The following ZNF831 variants were observed in gnomAD, a reference collection of about 807,000 sequenced individuals.
ZNF831 encodes the protein chromosome 20 open reading frame 174.
A neutral mutation model predicts 95.8 loss-of-function variants in ZNF831; 59 were observed. The ratio of observed to expected loss-of-function variants is 0.62; its 90% confidence interval spans 0.50 to 0.77. ZNF831 has a LOEUF of 0.77. ZNF831 is among the 30% of genes least tolerant of loss of function. ZNF831 has a pLI of 0.00. For synonymous variants in ZNF831, 961 were observed against 925.5 expected, an observed-to-expected ratio of 1.04 and a Z score of -0.70; for missense variants, 2,205 against 2,164.0, an observed-to-expected ratio of 1.02 and a Z score of -0.38.
intron 2 of ZNF831, among the ~76,000 whole-genome samples, chr20:59,153,302 G>A (rs757429828): frequency 6.6e-6 from 1 of 152,246 alleles, no homozygotes; most frequent in Non-Finnish European, 1.5e-5. Flanking sequence ...GGAGAGAACA[G>A]GAAGGAGTCA....
intron 4 of ZNF831, among the ~76,000 whole-genome samples, chr20:59,248,331 T>C (rs1487684363): frequency 6.6e-6 from 1 of 152,250 alleles, no homozygotes; most frequent in Non-Finnish European, 1.5e-5. Context: ...ACTACTTCCT[T>C]TTTGAAAAGG....
chr20:59,193,530 G>T lies in ZNF831; in HGVS notation c.2511G>T (p.Glu837Asp). 6.2e-7 allele frequency: 1 copy of T among 1,606,800 alleles called. No homozygotes were observed. The highest frequency in any genetic ancestry group is 8.5e-7 in the Non-Finnish European group (1 of 1,176,826). Reference protein sequence around the residue: ...VEDLHSWKQPEPVSAETPGGP... With the variant: ...VEDLHSWKQPDPVSAETPGGP... Reference sequence around the variant, plus strand: ...ACCTGCACAGCTGGAAGCAACCAGAGCCTGTGAGCGCAGAGACCCCAGGTG... The same window carrying T: ...ACCTGCACAGCTGGAAGCAACCAGATCCTGTGAGCGCAGAGACCCCAGGTG... Residue 837 changes from glutamate to aspartate, a missense_variant, in exon 2 of 6, where the codon GAG (glutamate) becomes GAT (aspartate). Glu to Asp is a conservative substitution (Grantham distance 45). Coordinates refer to ENST00000371030, the MANE Select transcript of ZNF831 (RefSeq NM_178457.3).
intron 1 of ZNF831, among the ~76,000 whole-genome samples, chr20:59,132,688 T>C (rs1161781588): frequency 6.6e-6 from 1 of 152,234 alleles, no homozygotes; most frequent in South Asian, 2.1e-4. Flanking sequence ...TTTTTCATAC[T>C]TTTTTGTAAT....
rs1156654452 is a variant in ZNF831 at position 59,192,056 on chromosome 20, AC to A, written c.1039del (p.Leu347CysfsTer187). 6.2e-7 allele frequency: 1 copy of A among 1,607,624 alleles called. No individual in the cohort carries two copies. Among genetic ancestry groups the A allele is most frequent in the Non-Finnish European group, 8.5e-7 (1 of 1,179,060 alleles). On this transcript the variant is annotated frameshift_variant, in exon 2 of 6. Transcript: ENST00000371030. LOFTEE classifies it high-confidence loss of function. The surrounding 1 kb of genome is among the most constrained non-coding windows in gnomAD (Gnocchi z 5.2). ...LRKCESTDSG[Y>X]LSRSDSAEQP... The stretch of plus-strand genomic sequence containing the variant: ...AAGTGTGAGAGCACCGACTCGGGGT[AC>A]CTGTCGCGCTCCGACAGCGCGGAGC...
At chr20:59,232,392 G>C (rs528377975) in intron 4 of ZNF831, among the ~76,000 whole-genome samples, 52 of 151,874 alleles carry the variant, frequency 3.4e-4, no homozygotes, top group African/African-American at 1.2e-3. Context: ...TATTGATCTC[G>C]CTCATGGGGG....
In ZNF831 at chr20:59,255,564, T is replaced by G. The variant is rs1350463745; in HGVS notation, c.*821T>G. 2 of 152,206 alleles carry G rather than the reference T, an allele frequency of 1.3e-5. No individual in the cohort carries two copies. Among genetic ancestry groups the G allele is most frequent in the Non-Finnish European group, 2.9e-5 (2 of 68,034 alleles). The allele number at this position is 152,206 out of a possible 1,614,324, so 9.4% of individuals were successfully genotyped here. The stretch of plus-strand genomic sequence containing the variant: ...AGAACTGTCTCTCTGTAATGAGTCA[T>G]TTTTTGAGAGGGAAAAATTCACTTA... On this transcript the variant is annotated 3_prime_UTR_variant, in exon 6 of 6. Coordinates refer to ENST00000371030, the MANE Select transcript of ZNF831 (RefSeq NM_178457.3).
rs1382247342 is a variant in ZNF831 at position 59,218,006 on chromosome 20, T to C, written c.4027+10950T>C. 3.3e-5 allele frequency among the ~76,000 whole-genome samples: 5 copies of C among 152,144 alleles called. No homozygotes were observed. In the South Asian group the frequency reaches 6.2e-4, roughly 19 times the overall value. On this transcript the variant is annotated intron_variant, in intron 4 of 5. Coordinates refer to ENST00000371030, the MANE Select transcript of ZNF831 (RefSeq NM_178457.3). ...GTTAGCAATTTGCAAAAGAGATGAG[T>C]TGATCTGCAGGCTGCCAAGCCCCAG... is the stretch of plus-strand genomic sequence containing the variant.
At chr20:59,176,593 C>T (rs1694792106) in intron 1 of ZNF831, among the ~76,000 whole-genome samples, 1 of 152,142 alleles carries the variant, frequency 6.6e-6, no homozygotes, top group African/African-American at 2.4e-5. Context: ...CTGAGTAACC[C>T]CCCTAGACCC....
At position 59,194,376 on chromosome 20, in the gene ZNF831, G is replaced by T. The variant is rs1983903375; in HGVS notation, c.3357G>T (p.Leu1119=). ...NAPEDPSSGP[L]VGPDPCSPLQ... is the part of the protein sequence containing the mutation. Reference sequence around the variant, plus strand: ...CAGAAGATCCTTCTTCAGGGCCCCTGGTGGGCCCCGACCCGTGTTCCCCCC... The same window carrying T: ...CAGAAGATCCTTCTTCAGGGCCCCTTGTGGGCCCCGACCCGTGTTCCCCCC... The change falls in exon 2 of 6, where the codon CTG becomes CTT. Residue 1119 remains leucine, a synonymous_variant. Coordinates refer to ENST00000371030, the MANE Select transcript of ZNF831 (RefSeq NM_178457.3). 6.2e-7 allele frequency: 1 copy of T among 1,611,068 alleles called. No homozygotes were observed. Among genetic ancestry groups the T allele is most frequent in the Non-Finnish European group, 8.5e-7 (1 of 1,178,724 alleles).
intron 1 of ZNF831, among the ~76,000 whole-genome samples, chr20:59,131,187 G>A (rs937645363): frequency 3.3e-5 from 5 of 152,126 alleles, no homozygotes; most frequent in South Asian, 2.1e-4. Context: ...TGGAAAAGGC[G>A]TCCTCTCTGC....
chr20:59,152,840 T>A (rs191848834), intron 2 of ZNF831, among the ~76,000 whole-genome samples: 1 of 152,102 alleles, frequency 6.6e-6, no homozygotes, highest in East Asian at 1.9e-4. Flanking sequence ...GCTTGGGAAG[T>A]GGCTGAGGAA....
At chr20:59,168,586 C>T (rs538277208) in intron 1 of ZNF831, among the ~76,000 whole-genome samples, 3 of 144,136 alleles carry the variant, frequency 2.1e-5, no homozygotes, top group Non-Finnish European at 4.5e-5. Flanking sequence ...TTTTGTATTT[C>T]TTTCTTGCTT....
At chr20:59,154,962 C>T (rs189618237) in intron 2 of ZNF831, among the ~76,000 whole-genome samples, 54 of 152,290 alleles carry the variant, frequency 3.5e-4, no homozygotes, top group African/African-American at 8.9e-4. Context: ...TATTTATACC[C>T]GTCTCTCACA....
At chr20:59,220,713 G>T (rs1301510686) in intron 4 of ZNF831, among the ~76,000 whole-genome samples, 1 of 152,022 alleles carries the variant, frequency 6.6e-6, no homozygotes, top group African/African-American at 2.4e-5. Context: ...TTTTAAAGAA[G>T]AATCTGCTCC....
intron 4 of ZNF831, among the ~76,000 whole-genome samples, chr20:59,242,763 C>G (rs981719999): frequency 6.6e-6 from 1 of 152,158 alleles, no homozygotes; most frequent in Non-Finnish European, 1.5e-5. Context: ...TCTGCTCTTT[C>G]GATGAGTCCT....
intron 2 of ZNF831, among the ~76,000 whole-genome samples, chr20:59,194,964 A>G (rs1163022288): frequency 1.3e-5 from 2 of 152,246 alleles, no homozygotes; most frequent in Non-Finnish European, 2.9e-5. Flanking sequence ...GTTGCGGAAA[A>G]CATAAATTCC....
intron 1 of ZNF831, among the ~76,000 whole-genome samples, chr20:59,141,497 T>C (rs561522530): frequency 2.0e-5 from 3 of 152,354 alleles, no homozygotes; most frequent in Non-Finnish European, 2.9e-5. Flanking sequence ...TTAAAATTGC[T>C]TTTGCACCTT....
rs2146774279 is a variant in ZNF831, at chr20:59,254,715, A to G, written c.5006A>G (p.Asp1669Gly). The stretch of plus-strand genomic sequence containing the variant: ...GAGTTCAGTGACACCAGCAGCGACG[A>G]TGAAGACCGATTAGTTATAGAAATA... ...RVEFSDTSSD[D>G]EDRLVIEI is the part of the protein sequence containing the mutation. The change falls in exon 6 of 6, where the codon GAT (aspartate) becomes GGT (glycine). Residue 1669 changes from aspartate (D) to glycine (G), a missense_variant. Transcript: ENST00000371030. This position sits in a 1 kb window ranked among gnomAD's most constrained non-coding sequence, Gnocchi z 4.5. 3.1e-6 allele frequency: 5 copies of G among 1,612,202 alleles called. No individual in the cohort carries two copies. The highest frequency in any genetic ancestry group is 4.2e-6 in the Non-Finnish European group (5 of 1,179,514).
In ZNF831 at chr20:59,192,756, G is replaced by T; in HGVS notation, c.1737G>T (p.Leu579=). 6.2e-7 allele frequency: 1 copy of T among 1,612,078 alleles called. No homozygotes were observed. Among genetic ancestry groups the T allele is most frequent in the Non-Finnish European group, 8.5e-7 (1 of 1,179,664 alleles). ...CAGGCACCCCCATTGGCGATGCCCT[G>T]GTGCCCGCAGAGGACACAGACGCAA... ...DLPGTPIGDA[L]VPAEDTDAKR... The change falls in exon 2 of 6, where the codon CTG becomes CTT. Residue 579 remains leucine (L), a synonymous_variant. Transcript: ENST00000371030. This position sits in a 1 kb window ranked among gnomAD's most constrained non-coding sequence, Gnocchi z 5.2.
Sources: allele counts gnomAD v4.1 joint callset (sites outside exome capture counted in the v4.1 genomes callset), GRCh38; gene constraint gnomAD v4.1.1; non-coding constraint Gnocchi (gnomAD v3.1); transcripts MANE v1.5; gene names NCBI Gene and HGNC (gene_info 2026-07-23, HGNC 2026-07-21).